PDGFC: variants seen among roughly 807,000 people sequenced by gnomAD.
The protein encoded by PDGFC is platelet-derived growth factor C.
In PDGFC, 12 loss-of-function variants were observed where a neutral mutation model predicts 35.5. The observed-to-expected ratio is 0.34, with a 90% CI of 0.22 to 0.55. The LOEUF is 0.55. Ranked by LOEUF, PDGFC falls within the 20% of genes least tolerant of loss-of-function variation. The pLI is 0.91. For missense variants in PDGFC, 322 were observed against 412.4 expected (o/e 0.78, Z 1.90); for synonymous variants, 159 against 148.8 (o/e 1.07, Z -0.50).
chr4:156,844,917 G>A (rs997931525), intron 2 of PDGFC, among the ~76,000 whole-genome samples: 3 of 151,890 alleles, frequency 2.0e-5, no homozygotes, highest in Non-Finnish European at 4.4e-5. Context: ...TACAGATGCT[G>A]TGCACAACTG....
chr4:156,917,301 C>A (rs1339564123), intron 1 of PDGFC, among the ~76,000 whole-genome samples: 1 of 152,182 alleles, frequency 6.6e-6, no homozygotes, highest in Admixed American at 6.5e-5. Context: ...TCACACATGG[C>A]AAGTCTATCC....
intron 3 of PDGFC, among the ~76,000 whole-genome samples, chr4:156,801,892 T>C (rs1434121590): frequency 6.6e-6 from 1 of 152,226 alleles, no homozygotes; most frequent in African/African-American, 2.4e-5. Context: ...GCTTTTCCTT[T>C]TGTTCCTAAG....
At position 156,763,580 on chromosome 4, in the gene PDGFC, C is replaced by G. The variant is rs559030172; in HGVS notation, c.922-374G>C. On this transcript the variant is annotated intron_variant, in intron 5 of 5. Transcript: ENST00000502773. ...CGTTTTTCTGTTTGTCGCTTTCTTTCATTCATTCATTTATTCACACATTTA... is the reference window on the plus strand; with the variant it reads ...CGTTTTTCTGTTTGTCGCTTTCTTTGATTCATTCATTTATTCACACATTTA... Among the ~76,000 whole-genome samples the G allele has an allele frequency of 3.2e-3, 491 of 152,238 alleles. 1 individual carries two copies. Among genetic ancestry groups the G allele is most frequent in the African/African-American group, 0.011 (473 of 41,546 alleles).
intron 1 of PDGFC, among the ~76,000 whole-genome samples, chr4:156,901,697 A>G (rs1258158903): frequency 3.7e-4 from 56 of 152,014 alleles, no homozygotes; most frequent in Non-Finnish European, 2.9e-5. Flanking sequence ...ATCTCAGCTC[A>G]CTGCAACCTC....
In PDGFC at chr4:156,943,861, A is replaced by C. The variant is rs1731873431; in HGVS notation, c.118+26925T>G. ...CCAGAATTTAAACCTAATTTCACTA[A>C]GCCATATTTTCACACTCTGCCTTTT... On this transcript the variant is annotated intron_variant, in intron 1 of 5. Transcript: ENST00000502773. Among the ~76,000 whole-genome samples, 4 of 152,158 alleles carry C rather than the reference A, an allele frequency of 2.6e-5. 1 individual carries two copies. In the South Asian group the frequency reaches 8.3e-4, roughly 31 times the overall value.
chr4:156,848,420 G>T (rs754783130), intron 2 of PDGFC, among the ~76,000 whole-genome samples: 1 of 151,826 alleles, frequency 6.6e-6, no homozygotes, highest in South Asian at 2.1e-4. Flanking sequence ...AAGTCTCAAA[G>T]TTTTATTGCT....
chr4:156,958,400 A>G (rs1732260651), intron 1 of PDGFC, among the ~76,000 whole-genome samples: 1 of 151,918 alleles, frequency 6.6e-6, no homozygotes, highest in Non-Finnish European at 1.5e-5. Flanking sequence ...GTTTTTTAAG[A>G]CTGTGAAGCT....
chr4:156,862,860 A>G (rs1729749450), intron 1 of PDGFC, among the ~76,000 whole-genome samples: 1 of 151,828 alleles, frequency 6.6e-6, no homozygotes, highest in African/African-American at 2.4e-5. Context: ...GCGCCTGGCC[A>G]ATTTTTGTAG....
At chr4:156,871,766 G>A (rs752117042) in intron 1 of PDGFC, among the ~76,000 whole-genome samples, 1 of 151,862 alleles carries the variant, frequency 6.6e-6, no homozygotes, top group Admixed American at 6.6e-5. Context: ...TTGAGTCTAT[G>A]GATGACTTAT....
chr4:156,784,711 A>G (rs1243233678), intron 3 of PDGFC, among the ~76,000 whole-genome samples: 1 of 152,200 alleles, frequency 6.6e-6, no homozygotes, highest in Non-Finnish European at 1.5e-5. Context: ...CAGAAGACAG[A>G]GGAGAGTTAA....
At chr4:156,818,001 G>A (rs1357250817) in intron 2 of PDGFC, among the ~76,000 whole-genome samples, 2 of 150,666 alleles carry the variant, frequency 1.3e-5, no homozygotes, top group Admixed American at 6.6e-5. Context: ...GGAGGTTGCA[G>A]TGAGCCAAGA....
intron 1 of PDGFC, among the ~76,000 whole-genome samples, chr4:156,920,622 GA>G (rs1308417223): frequency 6.7e-6 from 1 of 148,570 alleles, no homozygotes; most frequent in African/African-American, 2.5e-5. Context: ...TTCTGGTTTA[GA>G]AAAGCTTAAC....
At chr4:156,823,222 T>C (rs1289051480) in intron 2 of PDGFC, among the ~76,000 whole-genome samples, 1 of 152,066 alleles carries the variant, frequency 6.6e-6, no homozygotes, top group Non-Finnish European at 1.5e-5. Flanking sequence ...CTGGACAACA[T>C]AGCAAGACCC....
At chr4:156,929,772 GA>G (rs1731507933) in intron 1 of PDGFC, among the ~76,000 whole-genome samples, 1 of 152,126 alleles carries the variant, frequency 6.6e-6, no homozygotes, top group Non-Finnish European at 1.5e-5. Flanking sequence ...GTGACTTATG[GA>G]TATTAGAAAT....
intron 1 of PDGFC, among the ~76,000 whole-genome samples, chr4:156,919,770 G>A (rs1037757023): frequency 6.6e-6 from 1 of 152,130 alleles, no homozygotes; most frequent in African/African-American, 2.4e-5. Context: ...AACATAATTG[G>A]AATTTCAAAA....
chr4:156,875,588 T>G (rs765386952), intron 1 of PDGFC, among the ~76,000 whole-genome samples: 3 of 152,168 alleles, frequency 2.0e-5, no homozygotes, highest in Non-Finnish European at 4.4e-5. Flanking sequence ...AAGGTAATTT[T>G]GTCCCGACAT....
At chr4:156,848,419 A>G (rs1729376210) in intron 2 of PDGFC, among the ~76,000 whole-genome samples, 1 of 151,928 alleles carries the variant, frequency 6.6e-6, no homozygotes. Flanking sequence ...AAAGTCTCAA[A>G]GTTTTATTGC....
chr4:156,954,821 G>A (rs547750958), intron 1 of PDGFC, among the ~76,000 whole-genome samples: 3 of 152,078 alleles, frequency 2.0e-5, no homozygotes, highest in South Asian at 2.1e-4. Flanking sequence ...CATATGACTC[G>A]TTTAGAACCC....
At chr4:156,935,557 C>T (rs1731658944) in intron 1 of PDGFC, among the ~76,000 whole-genome samples, 1 of 152,108 alleles carries the variant, frequency 6.6e-6, no homozygotes, top group African/African-American at 2.4e-5. Flanking sequence ...AATTTTTCAG[C>T]TCCATTAAAA....
Sources: allele counts gnomAD v4.1 joint callset (sites outside exome capture counted in the v4.1 genomes callset), GRCh38; gene constraint gnomAD v4.1.1; transcripts MANE v1.5; gene names NCBI Gene and HGNC (gene_info 2026-07-23, HGNC 2026-07-21).